BAZ1B: variants seen among roughly 807,000 people sequenced by gnomAD.
BAZ1B encodes bromodomain adjacent to zinc finger domain 1B.
Under a neutral mutation model 153.8 loss-of-function variants are expected in BAZ1B, and 22 were observed. The ratio of observed to expected loss-of-function variants is 0.14; its 90% CI spans 0.10 to 0.20. The LOEUF (loss-of-function observed/expected upper bound fraction) is 0.20. Ranked by LOEUF, BAZ1B falls within the 10% of genes least tolerant of loss-of-function variation. The pLI is 1.00. For missense variants in BAZ1B, 1,325 were observed against 1,799.3 expected, an observed-to-expected ratio of 0.74 and a Z score of 4.77; for synonymous variants, 676 against 633.4, an observed-to-expected ratio of 1.07 and a Z score of -1.01.
At chr7:73,442,673 T>C (rs1216257972) in intron 18 of BAZ1B, 52 bp downstream of exon 18, 2 of 1,579,606 alleles carry the variant, frequency 1.3e-6, no homozygotes, top group East Asian at 2.3e-5. Flanking sequence ...TGGAAGCTTT[T>C]AGAACCAGCC....
At chr7:73,474,328 T>C (rs1788921906) in intron 7 of BAZ1B, among the ~76,000 whole-genome samples, 1 of 152,216 alleles carries the variant, frequency 6.6e-6, no homozygotes, top group African/African-American at 2.4e-5. Context: ...TTAAGACATT[T>C]GGAAGAAAAC....
At chr7:73,458,392 T>C (rs1788275205) in intron 13 of BAZ1B, among the ~76,000 whole-genome samples, 2 of 152,078 alleles carry the variant, frequency 1.3e-5, no homozygotes, top group African/African-American at 4.8e-5. Context: ...ATGGTAAATT[T>C]GGGCTGGACG....
At chr7:73,447,192 A>C (rs1583884024) in intron 16 of BAZ1B, 72 bp downstream of exon 16, 1 of 1,611,566 alleles carries the variant, frequency 6.2e-7, no homozygotes, top group Non-Finnish European at 8.5e-7. Context: ...ACCTACTGCC[A>C]AGCCAGCCTT....
At chr7:73,460,949 A>G (rs549181139) in intron 12 of BAZ1B, among the ~76,000 whole-genome samples, 1 of 150,214 alleles carries the variant, frequency 6.7e-6, no homozygotes, top group South Asian at 2.1e-4. Context: ...AACAAGACCT[A>G]TCTCTCTCTT....
At chr7:73,520,267 C>T (rs1215910636) in intron 1 of BAZ1B, among the ~76,000 whole-genome samples, 2 of 151,038 alleles carry the variant, frequency 1.3e-5, no homozygotes, top group South Asian at 4.2e-4. Flanking sequence ...TTTGGTAGAG[C>T]TAGTGGAACT....
chr7:73,486,325 TTTTA>T (rs57321282), intron 6 of BAZ1B, among the ~76,000 whole-genome samples: 11 of 151,970 alleles, frequency 7.2e-5, no homozygotes, highest in African/African-American at 2.4e-4. Flanking sequence ...GGTAAAACTA[TTTTA>T]TTTATTTATT....
At chr7:73,503,191 T>C (rs1010872513) in intron 3 of BAZ1B, among the ~76,000 whole-genome samples, 7 of 152,212 alleles carry the variant, frequency 4.6e-5, no homozygotes, top group Admixed American at 1.3e-4. Flanking sequence ...AAAATATATG[T>C]GCTATTTACA....
intron 16 of BAZ1B, among the ~76,000 whole-genome samples, 162 bp from the exon 17 acceptor site, chr7:73,444,291 C>A (rs1287181973): frequency 6.6e-6 from 1 of 152,156 alleles, no homozygotes; most frequent in Admixed American, 6.5e-5. Flanking sequence ...CTTGCCTTAC[C>A]TAACAGGACA....
intron 6 of BAZ1B, among the ~76,000 whole-genome samples, chr7:73,485,836 A>G (rs1789386937): frequency 6.6e-6 from 1 of 152,192 alleles, no homozygotes; most frequent in Admixed American, 6.5e-5. Context: ...TTCTTCTTAC[A>G]TCTCTAATCC....
At chr7:73,472,484 C>A (rs112663272) in intron 7 of BAZ1B, among the ~76,000 whole-genome samples, 14 of 152,186 alleles carry the variant, frequency 9.2e-5, no homozygotes, top group African/African-American at 3.4e-4. Context: ...TCTTGAACTC[C>A]CAACCTCAGG....
At position 73,508,329 on chromosome 7, in the gene BAZ1B, C is replaced by A; in HGVS notation, c.367G>T (p.Glu123Ter). ...ATCAGAAACGAACAGGCACTCACCTCGAAGTCACACTCTTCTCCCACAGCA... is the reference window on the plus strand; with the variant it reads ...ATCAGAAACGAACAGGCACTCACCTAGAAGTCACACTCTTCTCCCACAGCA... ...KYAVGEECDF[E>*]VGKEKMLKVK... The change falls in exon 3 of 20, where the codon GAG (glutamate) becomes TAG (stop). Residue 123 changes from glutamate (E) to a stop codon, truncating the protein, a stop_gained and splice_region_variant. Coordinates refer to ENST00000339594, the MANE Select transcript of BAZ1B (RefSeq NM_032408.4). LOFTEE classifies it high-confidence loss of function. The A allele has an allele frequency of 6.2e-7, 1 of 1,613,062 alleles. No individual in the cohort carries two copies. The highest frequency in any genetic ancestry group is 1.7e-5 in the Admixed American group (1 of 59,804).
At chr7:73,480,888 TAGTAAAATTA>T (rs2116348994) in intron 6 of BAZ1B, among the ~76,000 whole-genome samples, 1 of 152,318 alleles carries the variant, frequency 6.6e-6, no homozygotes, top group African/African-American at 2.4e-5. Context: ...CAAATAGGTT[TAGTAAAATTA>T]AATAAGCTGT....
chr7:73,520,827 C>G (rs1406361692), intron 1 of BAZ1B, among the ~76,000 whole-genome samples: 1 of 152,200 alleles, frequency 6.6e-6, no homozygotes, highest in African/African-American at 2.4e-5. Context: ...ACAGAAGGGG[C>G]TGAGAAAACT....
intron 13 of BAZ1B, among the ~76,000 whole-genome samples, chr7:73,456,408 T>C (rs941103586): frequency 6.6e-6 from 1 of 152,068 alleles, no homozygotes; most frequent in Non-Finnish European, 1.5e-5. Flanking sequence ...ATCATGCATC[T>C]GAAAAAGGGT....
intron 3 of BAZ1B, among the ~76,000 whole-genome samples, chr7:73,506,777 G>A (rs1339216322): frequency 6.8e-6 from 1 of 147,320 alleles, no homozygotes; most frequent in Admixed American, 6.8e-5. Flanking sequence ...CTTGAACCAG[G>A]GAGGCGGAGG....
intron 13 of BAZ1B, among the ~76,000 whole-genome samples, chr7:73,458,223 G>T (rs1445231382): frequency 2.0e-5 from 3 of 152,224 alleles, no homozygotes; most frequent in African/African-American, 7.2e-5. Flanking sequence ...TGAATTTTAA[G>T]AGTAGTTGGT....
chr7:73,442,279 ACTT>A lies in BAZ1B; in HGVS notation c.4366_4368del (p.Lys1456del). On this transcript the variant is annotated inframe_deletion, in exon 19 of 20. Transcript: ENST00000339594. Reference sequence around the variant, plus strand: ...TCATCTTCAGCAAGCCTATCAGGAAACTTCTTGCGCTTCCTGCGGACATATGGG... The same window carrying A: ...TCATCTTCAGCAAGCCTATCAGGAAACTTGCGCTTCCTGCGGACATATGGG... 1 of 1,613,910 alleles carries A rather than the reference ACTT, an allele frequency of 6.2e-7. No homozygotes were observed. Among genetic ancestry groups the A allele is most frequent in the Non-Finnish European group, 8.5e-7 (1 of 1,179,992 alleles).
intron 9 of BAZ1B, among the ~76,000 whole-genome samples, chr7:73,468,495 A>AT (rs1320953100): frequency 6.6e-6 from 1 of 152,102 alleles, no homozygotes; most frequent in Non-Finnish European, 1.5e-5. Flanking sequence ...TAACCATCTT[A>AT]TTTTTTTAAT....
chr7:73,442,703 C>A (rs782359795), intron 18 of BAZ1B, 22 bp downstream of exon 18: 2 of 1,610,004 alleles, frequency 1.2e-6, no homozygotes, highest in Non-Finnish European at 1.7e-6. Context: ...CTCTCCCCTG[C>A]ACCTGAGAAC....
Sources: allele counts gnomAD v4.1 joint callset (sites outside exome capture counted in the v4.1 genomes callset), GRCh38; gene constraint gnomAD v4.1.1; transcripts MANE v1.5; gene names NCBI Gene and HGNC (gene_info 2026-07-23, HGNC 2026-07-21).